UBE2L3: variants seen among roughly 807,000 people sequenced by gnomAD.
The protein encoded by UBE2L3 is ubiquitin-conjugating enzyme E2 L3.
A neutral mutation model predicts 17.8 loss-of-function variants in UBE2L3; 1 was observed. The observed-to-expected ratio is 0.06, with a 90% confidence interval of 0.02 to 0.27. The LOEUF (loss-of-function observed/expected upper bound fraction) is 0.27. Ranked by LOEUF, UBE2L3 falls within the 10% of genes least tolerant of loss-of-function variation. The pLI is 1.00. For synonymous variants in UBE2L3, 44 were observed against 68.5 expected, an observed-to-expected ratio of 0.64 and a Z score of 1.76; for missense variants, 40 against 192.6, an observed-to-expected ratio of 0.21 and a Z score of 4.69.
chr22:21,563,570 A>C (rs138665726), upstream of UBE2L3, among the ~76,000 whole-genome samples: 25,663 of 145,966 alleles, frequency 0.18, 3,133 homozygotes, highest in East Asian at 0.4. Context: ...CAAAAAAAAA[A>C]AATTAATACT....
intron 1 of UBE2L3, among the ~76,000 whole-genome samples, chr22:21,570,210 C>T (rs73166617): frequency 0.014 from 2,075 of 152,226 alleles, 21 homozygotes; most frequent in Non-Finnish European, 0.024. Context: ...CTAATTCATC[C>T]TGGTAGCCCC....
chr22:21,579,591 T>G (rs1927515143), intron 1 of UBE2L3, among the ~76,000 whole-genome samples: 1 of 152,088 alleles, frequency 6.6e-6, no homozygotes, highest in Admixed American at 6.6e-5. Flanking sequence ...CCCAACATAG[T>G]GAGACCCTGT....
chr22:21,619,451 G>A (rs1270999682), intron 3 of UBE2L3, among the ~76,000 whole-genome samples: 1 of 152,070 alleles, frequency 6.6e-6, no homozygotes, highest in Non-Finnish European at 1.5e-5. Context: ...CAACAAACGT[G>A]GAACCTGTCA....
At chr22:21,570,219 C>A (rs1401741732) in intron 1 of UBE2L3, among the ~76,000 whole-genome samples, 2 of 152,124 alleles carry the variant, frequency 1.3e-5, no homozygotes, top group African/African-American at 4.8e-5. Context: ...CCTGGTAGCC[C>A]CCTAGCCTAT....
At chr22:21,563,156 C>T (rs147846110), upstream of UBE2L3, among the ~76,000 whole-genome samples, 1 of 150,632 alleles carries the variant, frequency 6.6e-6, no homozygotes, top group Non-Finnish European at 1.5e-5. Flanking sequence ...GCAGGAAAAT[C>T]GCTCGAACCC....
intron 1 of UBE2L3, among the ~76,000 whole-genome samples, chr22:21,581,663 A>G (rs1028122917): frequency 5.3e-5 from 8 of 152,018 alleles, no homozygotes; most frequent in South Asian, 4.2e-4. Context: ...TTAGCCGGGC[A>G]TGGTGGCGGG....
In UBE2L3 at chr22:21,586,802, A is replaced by G. The variant is rs907745756; in HGVS notation, c.28-6059A>G. Among the ~76,000 whole-genome samples, 7 of 150,906 alleles carry G rather than the reference A, an allele frequency of 4.6e-5. 1 individual carries two copies. ...AGGCTGCTCTCAAACTCCTGTCCTC[A>G]AGTGATCCACCCGCCTCAGCCTCCC... On this transcript the variant is annotated intron_variant, in intron 1 of 3. Transcript: ENST00000342192.
intron 1 of UBE2L3, among the ~76,000 whole-genome samples, chr22:21,562,198 CT>C (rs1050849043): frequency 2.6e-3 from 344 of 133,310 alleles, no homozygotes; most frequent in African/African-American, 6.6e-3. Flanking sequence ...TTTTTTTTTT[CT>C]TTTTTTTTTT....
intron 1 of UBE2L3, chr22:21,568,162 G>C (rs1247528975): frequency 9.9e-7 from 1 of 1,011,446 alleles, no homozygotes; most frequent in Non-Finnish European, 1.2e-6. Context: ...CCCCTGCCCG[G>C]AGCCCGCGCC....
At chr22:21,564,379 T>A (rs566022187), upstream of UBE2L3, among the ~76,000 whole-genome samples, 1 of 152,124 alleles carries the variant, frequency 6.6e-6, no homozygotes, top group African/African-American at 2.4e-5. Context: ...GATAGGTCTG[T>A]ATGAACAAGG....
chr22:21,558,629 CAAAAAAAAAA>C (rs131645), intron 1 of UBE2L3, among the ~76,000 whole-genome samples: 1 of 77,204 alleles, frequency 1.3e-5, no homozygotes, highest in Non-Finnish European at 3.0e-5. Context: ...GACTCTGTCT[CAAAAAAAAAA>C]AAAAAAAAAA....
At chr22:21,567,694 C>A (rs751551968), upstream of UBE2L3, 2 of 1,560,386 alleles carry the variant, frequency 1.3e-6, no homozygotes, top group Middle Eastern at 1.9e-4. Context: ...GGGCTCCAGC[C>A]GCCCGGCCGG....
chr22:21,612,643 CT>C (rs57678378), intron 3 of UBE2L3, among the ~76,000 whole-genome samples: 1,193 of 52,232 alleles, frequency 0.023, 1 homozygote, highest in African/African-American at 0.04. Context: ...CTTTTCTTTT[CT>C]TTTTTTTTTT....
intron 1 of UBE2L3, among the ~76,000 whole-genome samples, chr22:21,571,844 G>A (rs1422216092): frequency 1.3e-5 from 2 of 152,170 alleles, no homozygotes. Context: ...TTTGAGTATA[G>A]GTTTAGATTC....
intron 1 of UBE2L3, among the ~76,000 whole-genome samples, chr22:21,588,854 G>T (rs1256999081): frequency 1.3e-5 from 2 of 151,908 alleles, no homozygotes; most frequent in African/African-American, 4.8e-5. Context: ...AGTAGAGACG[G>T]GGTTTCACCA....
At chr22:21,592,584 T>G (rs1928322537) in intron 1 of UBE2L3, among the ~76,000 whole-genome samples, 1 of 152,168 alleles carries the variant, frequency 6.6e-6, no homozygotes, top group Admixed American at 6.5e-5. Context: ...AGGTGGTACG[T>G]CTGCAGAAGC....
intron 1 of UBE2L3, among the ~76,000 whole-genome samples, chr22:21,576,259 C>T (rs544762507): frequency 6.6e-6 from 1 of 151,276 alleles, no homozygotes; most frequent in African/African-American, 2.4e-5. Flanking sequence ...GGATTACAGG[C>T]GCACGCCACC....
At chr22:21,603,249 C>CGG (rs1206275587) in intron 2 of UBE2L3, among the ~76,000 whole-genome samples, 1 of 151,962 alleles carries the variant, frequency 6.6e-6, no homozygotes, top group East Asian at 1.9e-4. Context: ...GCAAGTGGGC[C>CGG]GGGTGCGGTG....
chr22:21,576,089 C>T (rs1357448929), intron 1 of UBE2L3, among the ~76,000 whole-genome samples: 1 of 148,766 alleles, frequency 6.7e-6, no homozygotes, highest in African/African-American at 2.5e-5. Flanking sequence ...TGAACTGGGG[C>T]AGGGGTGGAG....
Sources: allele counts gnomAD v4.1 joint callset (sites outside exome capture counted in the v4.1 genomes callset), GRCh38; gene constraint gnomAD v4.1.1; transcripts MANE v1.5; gene names NCBI Gene and HGNC (gene_info 2026-07-23, HGNC 2026-07-21).